SIPA1L3: variants seen among roughly 807,000 people sequenced by gnomAD.
The protein encoded by SIPA1L3 is signal induced proliferation associated 1 like 3, also known as signal-induced proliferation-associated 1-like protein 3.
In SIPA1L3, 59 loss-of-function variants were observed where a neutral mutation model predicts 150.1. The observed-to-expected ratio is 0.39, with a 90% CI of 0.32 to 0.49. The LOEUF (loss-of-function observed/expected upper bound fraction) is 0.49. Ranked by LOEUF, SIPA1L3 falls within the 20% of genes least tolerant of loss-of-function variation. The probability of loss-of-function intolerance (pLI) is 0.86; values close to 1 mark genes in which losing one functional copy is unlikely to be tolerated. For synonymous variants in SIPA1L3, 1,070 were observed against 1,077.6 expected, an observed-to-expected ratio of 0.99 and a Z score of 0.14; for missense variants, 2,211 against 2,489.5, an observed-to-expected ratio of 0.89 and a Z score of 2.38.
chr19:37,964,618 C>T (rs937357775), intron 1 of SIPA1L3: 2 of 152,402 alleles, frequency 1.3e-5, no homozygotes, highest in Non-Finnish European at 2.9e-5. Context: ...CCTCAGCCTC[C>T]CAAGTAGCTA....
At chr19:38,188,749 C>T (rs374039292) in intron 16 of SIPA1L3, among the ~76,000 whole-genome samples, 24 of 151,734 alleles carry the variant, frequency 1.6e-4, no homozygotes, top group African/African-American at 5.3e-4. Context: ...GGTGAAACCC[C>T]GTCTCTACTA....
intron 1 of SIPA1L3, among the ~76,000 whole-genome samples, chr19:38,004,869 T>C (rs932933339): frequency 3.3e-5 from 5 of 150,974 alleles, no homozygotes; most frequent in Non-Finnish European, 7.4e-5. Context: ...TTCATTCTCT[T>C]ATATTCAGTC....
At chr19:38,124,774 C>T (rs1007651547) in intron 9 of SIPA1L3, among the ~76,000 whole-genome samples, 257 of 152,320 alleles carry the variant, frequency 1.7e-3, no homozygotes, top group African/African-American at 5.6e-3. Context: ...CTGAGGCTGG[C>T]GGATCACTCG....
chr19:38,177,157 C>A (rs566755923), intron 15 of SIPA1L3, among the ~76,000 whole-genome samples: 1 of 151,808 alleles, frequency 6.6e-6, no homozygotes, highest in Non-Finnish European at 1.5e-5. Context: ...GTCAGGAGAT[C>A]GAGACCACCC....
At chr19:37,914,836 A>G (rs1244586371) in intron 1 of SIPA1L3, among the ~76,000 whole-genome samples, 1 of 152,186 alleles carries the variant, frequency 6.6e-6, no homozygotes, top group African/African-American at 2.4e-5. Flanking sequence ...TAATGATAGC[A>G]GCTTACCTGG....
intron 16 of SIPA1L3, among the ~76,000 whole-genome samples, chr19:38,186,676 G>A (rs935822885): frequency 6.7e-6 from 1 of 149,212 alleles, no homozygotes. Context: ...GTATTTAGTT[G>A]CAGATACATT....
chr19:38,128,115 C>T (rs566371965), intron 9 of SIPA1L3, among the ~76,000 whole-genome samples: 10 of 130,446 alleles, frequency 7.7e-5, no homozygotes, highest in Middle Eastern at 5.0e-3. Context: ...AGTGCAGTAG[C>T]GTGATCTCGG....
rs57987020 is a variant in SIPA1L3, at chr19:38,013,497, C to T, written c.-378-15592C>T. ...TACAATAGTCTTCTTCCCCTACTTACGATCTCCCAGTCCCCTCCTGTGAGG... is the reference window on the plus strand; with the variant it reads ...TACAATAGTCTTCTTCCCCTACTTATGATCTCCCAGTCCCCTCCTGTGAGG... On this transcript the variant is annotated intron_variant, in intron 1 of 21. Coordinates refer to ENST00000222345, the MANE Select transcript of SIPA1L3 (RefSeq NM_015073.3). Among the ~76,000 whole-genome samples the T allele has an allele frequency of 4.0e-3, 611 of 152,292 alleles. 3 individuals are homozygous for T. Among genetic ancestry groups the T allele is most frequent in the African/African-American group, 0.014 (588 of 41,550 alleles).
chr19:38,136,329 C>T (rs541754364), intron 10 of SIPA1L3, among the ~76,000 whole-genome samples: 19 of 151,884 alleles, frequency 1.3e-4, no homozygotes, highest in African/African-American at 3.9e-4. Flanking sequence ...AAGGGCCAGA[C>T]GCAGTGGCTC....
At chr19:38,117,024 A>G (rs537683085) in intron 8 of SIPA1L3, among the ~76,000 whole-genome samples, 1 of 152,326 alleles carries the variant, frequency 6.6e-6, no homozygotes, top group East Asian at 1.9e-4. Context: ...ATATTCATCA[A>G]ATCTCCAAAT....
At chr19:37,998,690 A>T (rs955492257) in intron 1 of SIPA1L3, among the ~76,000 whole-genome samples, 1 of 152,148 alleles carries the variant, frequency 6.6e-6, no homozygotes, top group Non-Finnish European at 1.5e-5. Context: ...CAGGAGGCTG[A>T]GGCAGGAGGA....
chr19:38,087,181 A>AT, intron 3 of SIPA1L3, among the ~76,000 whole-genome samples: 2 of 152,354 alleles, frequency 1.3e-5, no homozygotes, highest in South Asian at 4.1e-4. Flanking sequence ...AAGCTAGTAA[A>AT]TAAGTCATTG....
At chr19:38,124,314 C>T (rs1244705721) in intron 9 of SIPA1L3, among the ~76,000 whole-genome samples, 6 of 146,578 alleles carry the variant, frequency 4.1e-5, no homozygotes, top group African/African-American at 1.3e-4. Flanking sequence ...CGCTCCTCAC[C>T]TCCCAGACGG....
intron 12 of SIPA1L3, among the ~76,000 whole-genome samples, chr19:38,151,219 C>T (rs540588999): frequency 6.6e-6 from 1 of 152,334 alleles, no homozygotes; most frequent in South Asian, 2.1e-4. Flanking sequence ...AGCCTCTGGG[C>T]AGACTTACCC....
intron 1 of SIPA1L3, among the ~76,000 whole-genome samples, chr19:38,007,799 C>G (rs1234520161): frequency 6.6e-6 from 1 of 152,036 alleles, no homozygotes. Flanking sequence ...TTATTGAGAT[C>G]TCTGAGACAC....
intron 11 of SIPA1L3, among the ~76,000 whole-genome samples, chr19:38,141,860 T>C (rs1971593953): frequency 6.6e-6 from 1 of 152,164 alleles, no homozygotes; most frequent in South Asian, 2.1e-4. Context: ...TGCACACCTG[T>C]GGTCCCAGCT....
At chr19:38,194,408 A>T (rs575792987) in intron 18 of SIPA1L3, among the ~76,000 whole-genome samples, 205 of 148,834 alleles carry the variant, frequency 1.4e-3, no homozygotes, top group Non-Finnish European at 2.1e-3. Context: ...AGTTTGCACC[A>T]TGCTCACTGG....
intron 1 of SIPA1L3, among the ~76,000 whole-genome samples, chr19:38,012,675 C>T (rs1045478522): frequency 2.0e-5 from 3 of 152,104 alleles, no homozygotes; most frequent in African/African-American, 4.8e-5. Flanking sequence ...CCCCACCCCC[C>T]ATCCTCTCTC....
intron 1 of SIPA1L3, among the ~76,000 whole-genome samples, chr19:38,005,305 G>GC (rs973196660): frequency 1.3e-5 from 2 of 151,984 alleles, no homozygotes; most frequent in African/African-American, 4.8e-5. Context: ...CTTCAGTGTG[G>GC]CCCCCCAGAC....
Sources: gnomAD v4.1 joint callset for allele counts (sites outside exome capture counted in the v4.1 genomes callset) on GRCh38, gnomAD v4.1.1 for gene constraint, MANE v1.5 for transcripts, NCBI Gene and HGNC (gene_info 2026-07-23, HGNC 2026-07-21) for gene names.